Variants in NKAIN3 observed in about 807,000 individuals in gnomAD.
NKAIN3 encodes sodium/potassium transporting ATPase interacting 3, also known as sodium/potassium-transporting ATPase subunit beta-1-interacting protein 3.
Under a neutral mutation model 30.2 loss-of-function variants are expected in NKAIN3, and 25 were observed. The ratio of observed to expected loss-of-function variants is 0.83; its 90% CI spans 0.60 to 1.16. NKAIN3 has a LOEUF of 1.16. Among genes scored for constraint, NKAIN3 ranks in the 50% most tolerant of loss-of-function variants. The pLI is 0.00. For missense variants in NKAIN3, 225 were observed against 254.1 expected (o/e 0.89, Z 0.78); for synonymous variants, 91 against 89.6 (o/e 1.02, Z -0.09).
At position 62,248,870 on chromosome 8, in the gene NKAIN3, G is replaced by T. The variant is rs533427615; in HGVS notation, c.-204G>T. ...GGGACCCCCGCCAGACGCTCGGGTCGTGCGCACCGCACTGACCTCGGCCCG... is the reference window on the plus strand; with the variant it reads ...GGGACCCCCGCCAGACGCTCGGGTCTTGCGCACCGCACTGACCTCGGCCCG... On this transcript the variant is annotated 5_prime_UTR_variant, in exon 1 of 7. Coordinates refer to ENST00000623646, the MANE Select transcript of NKAIN3 (RefSeq NM_001304533.3). 2.3e-4 allele frequency: 119 copies of T among 526,022 alleles called. No individual in the cohort carries two copies. In the East Asian group the frequency reaches 3.0e-3, roughly 13 times the overall value. 32.6% of individuals were successfully genotyped at this position (526,022 alleles called of 1,614,324 possible). A position where few individuals can be genotyped will look rare whatever the true frequency, so the allele number is the denominator to read the frequency against.
intron 1 of NKAIN3, among the ~76,000 whole-genome samples, chr8:62,502,446 T>A (rs938839076): frequency 6.6e-6 from 1 of 152,068 alleles, no homozygotes; most frequent in African/African-American, 2.4e-5. Context: ...GCCCTCACAC[T>A]CATGTAATTT....
chr8:62,437,474 A>G (rs186609010), intron 1 of NKAIN3, among the ~76,000 whole-genome samples: 124 of 152,326 alleles, frequency 8.1e-4, no homozygotes, highest in African/African-American at 2.8e-3. Flanking sequence ...AGATGTGGAC[A>G]TCCTCAAAGG....
intron 1 of NKAIN3, among the ~76,000 whole-genome samples, chr8:62,560,467 T>G (rs1168200613): frequency 6.6e-6 from 1 of 151,760 alleles, no homozygotes; most frequent in African/African-American, 2.4e-5. Flanking sequence ...CTATTTTCTG[T>G]ATATTATTCA....
At chr8:62,863,469 T>C in intron 4 of NKAIN3, 1 of 1,552,320 alleles carries the variant, frequency 6.4e-7, no homozygotes, top group African/African-American at 1.4e-5. Flanking sequence ...GAAGGAAATG[T>C]CAAATGATAC....
intron 4 of NKAIN3, among the ~76,000 whole-genome samples, chr8:62,883,999 T>C (rs1044937574): frequency 6.6e-6 from 1 of 152,212 alleles, no homozygotes; most frequent in Non-Finnish European, 1.5e-5. Context: ...GCTGATGTGA[T>C]GAATTACATT....
intron 4 of NKAIN3, among the ~76,000 whole-genome samples, chr8:62,805,898 A>G: frequency 6.6e-6 from 1 of 152,124 alleles, no homozygotes; most frequent in African/African-American, 2.4e-5. Context: ...TTTGCAACCT[A>G]CTCATCTGAC....
intron 1 of NKAIN3, among the ~76,000 whole-genome samples, chr8:62,506,100 G>T (rs961019940): frequency 1.3e-5 from 2 of 150,956 alleles, no homozygotes; most frequent in African/African-American, 4.9e-5. Context: ...GGACTCATGT[G>T]ATTATATTGG....
chr8:62,656,251 C>T (rs945057589), intron 3 of NKAIN3, among the ~76,000 whole-genome samples: 3 of 152,158 alleles, frequency 2.0e-5, no homozygotes, highest in African/African-American at 7.2e-5. Flanking sequence ...TTATTCTCAT[C>T]TCAGCCTTGA....
chr8:62,909,578 C>A (rs1023824449), intron 4 of NKAIN3, among the ~76,000 whole-genome samples: 1 of 152,072 alleles, frequency 6.6e-6, no homozygotes, highest in African/African-American at 2.4e-5. Context: ...AATTCAAATT[C>A]TGGGAAATCA....
intron 1 of NKAIN3, among the ~76,000 whole-genome samples, chr8:62,333,219 AC>A (rs1309005654): frequency 6.6e-6 from 1 of 152,064 alleles, no homozygotes; most frequent in African/African-American, 2.4e-5. Flanking sequence ...TTCCTCAAGT[AC>A]CCACAGGTAA....
rs143048781 is a variant in NKAIN3 at position 62,428,504 on chromosome 8, C to A, written c.55-151035C>A. On this transcript the variant is annotated intron_variant, in intron 1 of 6. Coordinates refer to ENST00000623646, the MANE Select transcript of NKAIN3 (RefSeq NM_001304533.3). ...TCCCCTTTCTCAGCATCTTCACCAG[C>A]ATTTATCATCTTTTTGACTTTTTGA... 5.0e-3 allele frequency among the ~76,000 whole-genome samples: 754 copies of A among 151,776 alleles called. 6 individuals carry two copies. The highest frequency in any genetic ancestry group is 0.017 in the Admixed American group (259 of 15,214).
At chr8:62,743,604 G>T (rs936389688) in intron 3 of NKAIN3, among the ~76,000 whole-genome samples, 14 of 152,200 alleles carry the variant, frequency 9.2e-5, no homozygotes, top group Admixed American at 6.5e-4. Context: ...ACTCAGGCAT[G>T]GTGGCTCATG....
At chr8:62,956,104 T>C (rs1271854813) in intron 6 of NKAIN3, among the ~76,000 whole-genome samples, 2 of 152,214 alleles carry the variant, frequency 1.3e-5, no homozygotes, top group Non-Finnish European at 1.5e-5. Flanking sequence ...TCTTCACCAG[T>C]ATGCAAATAT....
At chr8:62,514,368 C>A (rs902696274) in intron 1 of NKAIN3, among the ~76,000 whole-genome samples, 2 of 151,608 alleles carry the variant, frequency 1.3e-5, no homozygotes, top group South Asian at 2.1e-4. Flanking sequence ...GATGAAAATG[C>A]CATAAAATGG....
chr8:62,619,248 C>T (rs1044421858), intron 3 of NKAIN3, among the ~76,000 whole-genome samples: 4 of 152,130 alleles, frequency 2.6e-5, no homozygotes, highest in Non-Finnish European at 5.9e-5. Flanking sequence ...AAGGGGCTGG[C>T]CTCTTCTGTT....
At position 62,898,384 on chromosome 8, in the gene NKAIN3, C is replaced by CA. The variant is rs895145608; in HGVS notation, c.472-20063dup. Reference sequence around the variant, plus strand: ...CGCACCAGGGAATACTACCCAGCCACAAAAAAGAATGAAATAATGTCTTCT... The same window carrying CA: ...CGCACCAGGGAATACTACCCAGCCACAAAAAAAGAATGAAATAATGTCTTCT... On this transcript the variant is annotated intron_variant, in intron 4 of 6. Transcript: ENST00000623646. Among the ~76,000 whole-genome samples the CA allele has an allele frequency of 1.2e-4, 18 of 152,102 alleles. No homozygotes were observed. In the South Asian group the frequency reaches 1.5e-3, roughly 12 times the overall value.
intron 1 of NKAIN3, among the ~76,000 whole-genome samples, chr8:62,513,664 T>C (rs150212380): frequency 2.6e-5 from 4 of 151,380 alleles, no homozygotes; most frequent in African/African-American, 9.7e-5. Flanking sequence ...GCCAAGGAGT[T>C]TGAGATTAGC....
intron 4 of NKAIN3, among the ~76,000 whole-genome samples, chr8:62,902,607 CT>C (rs1301102894): frequency 1.3e-5 from 2 of 152,208 alleles, no homozygotes; most frequent in Admixed American, 6.5e-5. Context: ...ACTCTCTATC[CT>C]CAAAATATAC....
At chr8:62,407,900 C>A (rs182423428) in intron 1 of NKAIN3, among the ~76,000 whole-genome samples, 1 of 152,104 alleles carries the variant, frequency 6.6e-6, no homozygotes. Context: ...TGTGGTGGCA[C>A]GTGTCCCTAA....
Sources: allele counts gnomAD v4.1 joint callset (sites outside exome capture counted in the v4.1 genomes callset), GRCh38; gene constraint gnomAD v4.1.1; transcripts MANE v1.5; gene names NCBI Gene and HGNC (gene_info 2026-07-23, HGNC 2026-07-21).